MYH9: variants seen among roughly 807,000 people sequenced by gnomAD.
MYH9 encodes the protein myosin heavy chain 9.
In MYH9, 29 loss-of-function variants were observed where a neutral mutation model predicts 241.9. The observed-to-expected ratio is 0.12, with a 90% CI of 0.09 to 0.16. The LOEUF is 0.16. MYH9 is among the 10% of genes least tolerant of loss of function. The pLI, the probability that MYH9 is intolerant of heterozygous loss-of-function variation, is 1.00. For synonymous variants in MYH9, 1,047 were observed against 1,062.6 expected (o/e 0.99, Z 0.29); for missense variants, 1,803 against 2,595.5 (o/e 0.69, Z 6.63).
intron 1 of MYH9, among the ~76,000 whole-genome samples, chr22:36,371,819 G>A (rs2018095075): frequency 6.6e-6 from 1 of 152,078 alleles, no homozygotes; most frequent in Admixed American, 6.6e-5. Flanking sequence ...ACAGGCGTAA[G>A]CCACCACACC....
intron 2 of MYH9, among the ~76,000 whole-genome samples, chr22:36,345,551 CCAGA>C (rs745313507): frequency 1.3e-5 from 2 of 152,124 alleles, no homozygotes; most frequent in Non-Finnish European, 2.9e-5. Context: ...CCTCCCAATC[CCAGA>C]CAGTGAGGCT....
intron 1 of MYH9, 35 bp from the exon 2 acceptor site, chr22:36,349,290 C>A (rs1433364958): frequency 2.0e-6 from 3 of 1,498,766 alleles, no homozygotes; most frequent in Non-Finnish European, 2.8e-6. Flanking sequence ...ACATTACATA[C>A]AACTACGTCA....
intron 1 of MYH9, among the ~76,000 whole-genome samples, chr22:36,357,125 G>A (rs1464263188): frequency 2.0e-5 from 3 of 152,210 alleles, no homozygotes; most frequent in East Asian, 1.9e-4. Context: ...GTCAACAACC[G>A]GCTCCACCAC....
chr22:36,378,023 C>A (rs1243634985), intron 1 of MYH9, among the ~76,000 whole-genome samples: 5 of 150,076 alleles, frequency 3.3e-5, no homozygotes. Context: ...ACCTGTAATC[C>A]TAGCACTTTG....
intron 21 of MYH9, 61 bp from the exon 22 acceptor site, chr22:36,301,118 A>C: frequency 2.0e-6 from 3 of 1,498,862 alleles, no homozygotes; most frequent in Non-Finnish European, 2.8e-6. Flanking sequence ...CTCCATCCTC[A>C]AGGACGGACG....
At chr22:36,291,939 T>C (rs1354711817) in intron 31 of MYH9, 47 bp downstream of exon 31, 8 of 1,613,010 alleles carry the variant, frequency 5.0e-6, no homozygotes, top group Non-Finnish European at 5.9e-6. Flanking sequence ...TTGGACTCAG[T>C]GCTTGAAGGA....
intron 3 of MYH9, among the ~76,000 whole-genome samples, chr22:36,333,918 T>A (rs980105909): frequency 6.6e-6 from 1 of 152,100 alleles, no homozygotes; most frequent in Non-Finnish European, 1.5e-5. Context: ...GGATTTGATG[T>A]GAGTTTTTGT....
chr22:36,339,983 T>A (rs908067589), intron 3 of MYH9, among the ~76,000 whole-genome samples: 1 of 152,068 alleles, frequency 6.6e-6, no homozygotes, highest in Non-Finnish European at 1.5e-5. Flanking sequence ...GCTTCAGTCA[T>A]GTTTTTAAAA....
intron 15 of MYH9, chr22:36,308,728 GA>G (rs2017011785): frequency 1.2e-6 from 1 of 846,056 alleles, no homozygotes; most frequent in African/African-American, 1.8e-5. Context: ...GGGGGCGCGA[GA>G]AAACCTAGGC....
Position 36,349,169 on chromosome 22 carries a change from T to C in MYH9, c.68A>G (p.Gln23Arg), listed in dbSNP as rs2017728289. The change falls in exon 2 of 41, where the codon CAG (glutamine) becomes CGG (arginine). Residue 23 changes from glutamine to arginine, a missense_variant. By Grantham distance (43) the Gln-to-Arg change is conservative. This residue lies in a region of MYH9 where 75 missense variants were observed against 79.1 expected (regional missense o/e 0.95). Transcript: ENST00000216181. The part of the protein sequence containing the change: ...DKNFINNPLA[Q>R]ADWAAKKLVW... The stretch of plus-strand genomic sequence containing the variant: ...CAGCTTCTTGGCAGCCCAGTCGGCC[T>C]GGGCCAGCGGATTGTTGATGAAGTT... 1 of 1,614,102 alleles carries C rather than the reference T, an allele frequency of 6.2e-7. No individual in the cohort carries two copies. Among genetic ancestry groups the C allele is most frequent in the African/African-American group, 1.3e-5 (1 of 74,952 alleles).
At position 36,312,162 on chromosome 22, in the gene MYH9, C is replaced by A. The variant is rs888907032; in HGVS notation, c.1615G>T (p.Asp539Tyr). The A allele has an allele frequency of 6.2e-7, 1 of 1,614,156 alleles. No homozygotes were observed. Among genetic ancestry groups the A allele is most frequent in the Non-Finnish European group, 8.5e-7 (1 of 1,180,016 alleles). ...DEECWFPKAT[D>Y]KSFVEKVMQE... ...ATCACCTTCTCCACGAAGCTCTTGT[C>A]GGTGGCTTTGGGGAACCAGCACTCC... The change falls in exon 14 of 41, where the codon GAC becomes TAC. Residue 539 changes from aspartate (D) to tyrosine (Y), a missense_variant. Transcript: ENST00000216181.
At chr22:36,349,573 TA>T (rs1158197068) in intron 1 of MYH9, among the ~76,000 whole-genome samples, 1 of 152,016 alleles carries the variant, frequency 6.6e-6, no homozygotes, top group African/African-American at 2.4e-5. Context: ...CTACTAAAAA[TA>T]CAAAAATTAA....
At position 36,289,274 on chromosome 22, in the gene MYH9, G is replaced by C. The variant is rs760738611; in HGVS notation, c.4368C>G (p.Ile1456Met). ...CGCGCTCCTCTGCATACTTGGCAGA[G>C]ATGGTCTTCTCCTCCGCCAGGAGCT... ...FDQLLAEEKT[I>M]SAKYAEERDR... The change falls in exon 32 of 41, where the codon ATC becomes ATG. Residue 1456 changes from isoleucine (I) to methionine (M), a missense_variant. By Grantham distance (10) the Ile-to-Met change is conservative (BLOSUM62 1). Coordinates refer to ENST00000216181, the MANE Select transcript of MYH9 (RefSeq NM_002473.6). 6.2e-7 allele frequency: 1 copy of C among 1,612,138 alleles called. No homozygotes were observed. Among genetic ancestry groups the C allele is most frequent in the East Asian group, 2.2e-5 (1 of 44,854 alleles).
chr22:36,349,381 C>A, intron 1 of MYH9, 126 bp from the exon 2 acceptor site: 1 of 737,174 alleles, frequency 1.4e-6, no homozygotes. Flanking sequence ...TCTATATAAC[C>A]AGGCTGCACA....
At chr22:36,344,469 TCCCCATCCAGGC>T (rs2017643690) in intron 2 of MYH9, among the ~76,000 whole-genome samples, 3 of 79,796 alleles carry the variant, frequency 3.8e-5, no homozygotes, top group African/African-American at 1.0e-4. Flanking sequence ...AGGCAGCACC[TCCCCATCCAGGC>T]GGCCCCGCCC....
At chr22:36,359,665 C>T (rs763372528) in intron 1 of MYH9, among the ~76,000 whole-genome samples, 1 of 152,174 alleles carries the variant, frequency 6.6e-6, no homozygotes, top group Non-Finnish European at 1.5e-5. Flanking sequence ...TGTAGAGGCA[C>T]CTACCACCTA....
At chr22:36,343,670 TC>T (rs1408552162) in intron 2 of MYH9, among the ~76,000 whole-genome samples, 1 of 152,154 alleles carries the variant, frequency 6.6e-6, no homozygotes, top group African/African-American at 2.4e-5. Flanking sequence ...TCACTTGTTT[TC>T]CCTCCAACTG....
At position 36,306,085 on chromosome 22, in the gene MYH9, T is replaced by C. The variant is rs2016964912; in HGVS notation, c.2038-34A>G. On this transcript the variant is annotated intron_variant, in intron 16 of 40. Coordinates refer to ENST00000216181, the MANE Select transcript of MYH9 (RefSeq NM_002473.6). This position sits in a 1 kb window ranked among gnomAD's most constrained non-coding sequence, Gnocchi z 4.1. Reference sequence around the variant, plus strand: ...GAAAACACATGCATGCGGTCTCACTTCCGTGCCTAGAACAGTCGGAGAATA... The same window carrying C: ...GAAAACACATGCATGCGGTCTCACTCCCGTGCCTAGAACAGTCGGAGAATA... 1 of 1,611,452 alleles carries C rather than the reference T, an allele frequency of 6.2e-7. No homozygotes were observed. Among genetic ancestry groups the C allele is most frequent in the Non-Finnish European group, 8.5e-7 (1 of 1,179,948 alleles).
At chr22:36,354,966 C>CACACACACACACACAT (rs1432347777) in intron 1 of MYH9, among the ~76,000 whole-genome samples, 2 of 147,606 alleles carry the variant, frequency 1.4e-5, no homozygotes, top group African/African-American at 4.9e-5. Flanking sequence ...AACACACACA[C>CACACACACACACACAT]ACACACACAC....
Sources: gnomAD v4.1 joint callset for allele counts (sites outside exome capture counted in the v4.1 genomes callset) on GRCh38, gnomAD v4.1.1 for gene constraint, gnomAD v4.1.1 regional missense constraint, Gnocchi (gnomAD v3.1) non-coding constraint, MANE v1.5 for transcripts, NCBI Gene and HGNC (gene_info 2026-07-23, HGNC 2026-07-21) for gene names.